SYNE2: variants seen among roughly 807,000 people sequenced by gnomAD.
The protein encoded by SYNE2 is nesprin-2.
A neutral mutation model predicts 856.3 loss-of-function variants in SYNE2; 431 were observed. The ratio of observed to expected loss-of-function variants is 0.50; its 90% CI spans 0.47 to 0.55. The LOEUF (loss-of-function observed/expected upper bound fraction) is 0.55. Ranked by LOEUF, SYNE2 falls within the 20% of genes least tolerant of loss-of-function variation. The pLI is 0.00. For synonymous variants in SYNE2, 2,923 were observed against 2,872.3 expected, an observed-to-expected ratio of 1.02 and a Z score of -0.56; for missense variants, 8,129 against 8,023.2, an observed-to-expected ratio of 1.01 and a Z score of -0.50.
chr14:64,189,079 A>G, intron 98 of SYNE2: 1 of 669,896 alleles, frequency 1.5e-6, no homozygotes, highest in Non-Finnish European at 2.7e-6. Context: ...CATTGCTGTA[A>G]TCCTAGCACT....
intron 1 of SYNE2, among the ~76,000 whole-genome samples, chr14:63,818,131 G>C (rs1889076951): frequency 6.6e-6 from 1 of 151,498 alleles, no homozygotes; most frequent in Non-Finnish European, 1.5e-5. Context: ...ACATCACAAG[G>C]TCAGGAGATC....
intron 3 of SYNE2, among the ~76,000 whole-genome samples, chr14:63,940,961 C>T (rs1197502276): frequency 6.6e-6 from 1 of 152,146 alleles, no homozygotes. Context: ...AATAGTAATA[C>T]TGATTTGCAT....
In SYNE2 at chr14:63,936,033, C is replaced by T. The variant is rs571225425; in HGVS notation, c.80-4581C>T. Among the ~76,000 whole-genome samples, 37 of 152,228 alleles carry T rather than the reference C, an allele frequency of 2.4e-4. No homozygotes were observed. In the South Asian group the frequency reaches 4.4e-3, roughly 18 times the overall value. On this transcript the variant is annotated intron_variant, in intron 2 of 115. Coordinates refer to ENST00000555002, the MANE Select transcript of SYNE2 (RefSeq NM_182914.3). ...GGGATTACAGGTGCCCACCACCATG[C>T]CTGGCTAATTTTTGTATTTTTAATA...
chr14:63,914,091 C>T (rs990546443), intron 2 of SYNE2, among the ~76,000 whole-genome samples: 2 of 152,092 alleles, frequency 1.3e-5, no homozygotes, highest in African/African-American at 4.8e-5. Context: ...TCTTCCTTGG[C>T]AAAGTAATAG....
intron 96 of SYNE2, among the ~76,000 whole-genome samples, chr14:64,177,791 C>T (rs1215218847): frequency 1.3e-5 from 2 of 152,136 alleles, no homozygotes; most frequent in African/African-American, 4.8e-5. Flanking sequence ...TCTGAGATTC[C>T]TGTAAAAGCT....
intron 65 of SYNE2, 121 bp from the exon 66 acceptor site, chr14:64,113,220 C>G (rs2097826196): frequency 5.2e-6 from 8 of 1,550,176 alleles, no homozygotes; most frequent in Middle Eastern, 2.3e-4. Context: ...TCTTTTCTTT[C>G]TTCCTTCTTC....
At chr14:63,763,530 C>A (rs1026245966) in intron 1 of SYNE2, among the ~76,000 whole-genome samples, 1 of 151,540 alleles carries the variant, frequency 6.6e-6, no homozygotes, top group South Asian at 2.1e-4. Context: ...GGTAACATGG[C>A]GAGACCCTGT....
intron 1 of SYNE2, among the ~76,000 whole-genome samples, chr14:63,793,799 A>G (rs951323525): frequency 6.7e-6 from 1 of 149,870 alleles, no homozygotes; most frequent in Admixed American, 6.6e-5. Context: ...TTAGGCAGGC[A>G]TGGTGGCACA....
At chr14:64,098,994 C>G (rs966226039) in intron 63 of SYNE2, 173 bp downstream of exon 63, 1 of 670,374 alleles carries the variant, frequency 1.5e-6, no homozygotes, top group East Asian at 3.0e-5. Context: ...TGTATGGAAA[C>G]CTACTTCACT....
intron 2 of SYNE2, among the ~76,000 whole-genome samples, chr14:63,930,084 A>C (rs562824590): frequency 3.2e-4 from 49 of 152,208 alleles, no homozygotes; most frequent in Non-Finnish European, 5.6e-4. Flanking sequence ...CAGGATTTCG[A>C]GACCAGCCTG....
chr14:63,987,733 G>GA (rs1016456954), intron 19 of SYNE2, among the ~76,000 whole-genome samples: 5 of 150,932 alleles, frequency 3.3e-5, no homozygotes, highest in Non-Finnish European at 7.4e-5. Flanking sequence ...TTATTTTCTT[G>GA]AAAAAAATGA....
At chr14:64,131,505 G>C (rs937932880) in intron 76 of SYNE2, among the ~76,000 whole-genome samples, 2 of 152,306 alleles carry the variant, frequency 1.3e-5, no homozygotes, top group Non-Finnish European at 2.9e-5. Context: ...GCTTGAGTTT[G>C]CACATCTGTC....
upstream of SYNE2, among the ~76,000 whole-genome samples, chr14:63,850,650 T>A (rs904883565): frequency 6.6e-6 from 1 of 152,202 alleles, no homozygotes; most frequent in African/African-American, 2.4e-5. Context: ...TTTAAAAGTA[T>A]GTATTAATTT....
rs1333172916 is a variant in SYNE2, at chr14:63,855,169, C to CAATG, written c.-52+2027_-52+2030dup. Among the ~76,000 whole-genome samples, 12 of 152,106 alleles carry CAATG rather than the reference C, an allele frequency of 7.9e-5. No homozygotes were observed. The East Asian group carries it at 2.3e-3, about 29-fold the overall frequency. Reference sequence around the variant, plus strand: ...TCTATAAGTATTTATTGAGTACCTACAATGTATTGTGCTGGGTGTTGGGGC... The same window carrying CAATG: ...TCTATAAGTATTTATTGAGTACCTACAATGAATGTATTGTGCTGGGTGTTGGGGC... On this transcript the variant is annotated intron_variant, in intron 1 of 115. Transcript: ENST00000555002.
chr14:63,820,224 G>T (rs1294091417), intron 1 of SYNE2, among the ~76,000 whole-genome samples: 1 of 152,078 alleles, frequency 6.6e-6, no homozygotes, highest in Non-Finnish European at 1.5e-5. Context: ...ATTATAGATA[G>T]CATCAATATA....
intron 2 of SYNE2, among the ~76,000 whole-genome samples, chr14:63,918,922 T>C (rs1191066673): frequency 2.0e-5 from 3 of 152,352 alleles, no homozygotes; most frequent in South Asian, 4.1e-4. Flanking sequence ...GGATTTTTCA[T>C]AGTGGGAACT....
chr14:63,956,313 TA>T, intron 8 of SYNE2: 1 of 432,728 alleles, frequency 2.3e-6, no homozygotes, highest in Non-Finnish European at 4.6e-6. Flanking sequence ...TAGTTAATAG[TA>T]AAATGTAATA....
At chr14:64,027,164 A>G (rs2096987212) in intron 42 of SYNE2, among the ~76,000 whole-genome samples, 1 of 152,210 alleles carries the variant, frequency 6.6e-6, no homozygotes, top group African/African-American at 2.4e-5. Context: ...TGTTTGTTTT[A>G]CTTTATGAAG....
intron 5 of SYNE2, 36 bp downstream of exon 5, chr14:63,941,998 G>T: frequency 6.2e-7 from 1 of 1,601,184 alleles, no homozygotes; most frequent in Non-Finnish European, 8.6e-7. Flanking sequence ...TCACAGGAGA[G>T]ATTAATGCTC....
Sources: gnomAD v4.1 joint callset for allele counts (sites outside exome capture counted in the v4.1 genomes callset) on GRCh38, gnomAD v4.1.1 for gene constraint, MANE v1.5 for transcripts, NCBI Gene and HGNC (gene_info 2026-07-23, HGNC 2026-07-21) for gene names.